Variants in SYT13 observed in about 807,000 individuals in gnomAD.
SYT13 encodes the protein synaptotagmin 13.
In SYT13, 21 loss-of-function variants were observed where a neutral mutation model predicts 38.6. The observed-to-expected ratio is 0.54, with a 90% CI of 0.39 to 0.78. SYT13 has a LOEUF of 0.78. Ranked by LOEUF, SYT13 falls within the 30% of genes least tolerant of loss-of-function variation. The probability of loss-of-function intolerance (pLI) is 0.00; values close to 1 mark genes in which losing one functional copy is unlikely to be tolerated. For missense variants in SYT13, 495 were observed against 548.7 expected (o/e 0.90, Z 0.98); for synonymous variants, 241 against 237.6 (o/e 1.01, Z -0.13).
At chr11:45,281,234 T>C (rs533998800) in intron 1 of SYT13, among the ~76,000 whole-genome samples, 6 of 152,240 alleles carry the variant, frequency 3.9e-5, no homozygotes, top group African/African-American at 1.2e-4. Context: ...CACTTATTTA[T>C]ATTATTTTGT....
chr11:45,269,352 A>G, intron 1 of SYT13: 1 of 875,630 alleles, frequency 1.1e-6, no homozygotes. Flanking sequence ...AAACAAACAA[A>G]CAAACAAACA....
chr11:45,268,884 T>A (rs191308631), intron 1 of SYT13, among the ~76,000 whole-genome samples: 1 of 152,280 alleles, frequency 6.6e-6, no homozygotes, highest in East Asian at 1.9e-4. Flanking sequence ...GAGCCTTTTA[T>A]GGGATAAAAG....
Position 45,252,281 on chromosome 11 carries a change from T to C in SYT13, c.846+140A>G, listed in dbSNP as rs556904840. On this transcript the variant is annotated intron_variant, in intron 4 of 5. Coordinates refer to ENST00000020926, the MANE Select transcript of SYT13 (RefSeq NM_020826.3). The surrounding 1 kb of genome is among the most constrained non-coding windows in gnomAD (Gnocchi z 4.3). ...CTCTAGCCCTCTGCCCCATTCAAGATTCCAACCTCCCTTCCAGCCCCAAGC... is the reference window on the plus strand; with the variant it reads ...CTCTAGCCCTCTGCCCCATTCAAGACTCCAACCTCCCTTCCAGCCCCAAGC... 1.9e-4 allele frequency: 202 copies of C among 1,039,378 alleles called. 2 individuals carry two copies. The highest frequency in any genetic ancestry group is 1.9e-3 in the Middle Eastern group (6 of 3,092). 64.4% of individuals were successfully genotyped at this position (1,039,378 alleles called of 1,614,324 possible). A position where few individuals can be genotyped will look rare whatever the true frequency, so the allele number is the denominator to read the frequency against.
intron 1 of SYT13, among the ~76,000 whole-genome samples, chr11:45,267,149 C>T (rs568644490): frequency 6.6e-6 from 1 of 152,314 alleles, no homozygotes; most frequent in East Asian, 1.9e-4. Context: ...AGTTCTGTGC[C>T]AAAAGTCTTG....
At chr11:45,261,170 C>A (rs1308774365) in intron 1 of SYT13, among the ~76,000 whole-genome samples, 2 of 152,124 alleles carry the variant, frequency 1.3e-5, no homozygotes, top group African/African-American at 4.8e-5. Flanking sequence ...AGTGAGATAC[C>A]ACCTCACACC....
chr11:45,249,044 A>G (rs1854644758), intron 4 of SYT13, among the ~76,000 whole-genome samples: 1 of 137,316 alleles, frequency 7.3e-6, no homozygotes, highest in Non-Finnish European at 1.7e-5. Flanking sequence ...GAAATTAAAC[A>G]AATTTACAAG....
intron 1 of SYT13, among the ~76,000 whole-genome samples, chr11:45,261,945 T>A (rs1481180712): frequency 6.6e-6 from 1 of 151,922 alleles, no homozygotes; most frequent in African/African-American, 2.4e-5. Context: ...AAAATTGCTG[T>A]ATGATCCAGC....
chr11:45,254,852 G>T (rs1315653545), intron 2 of SYT13, among the ~76,000 whole-genome samples: 1 of 152,128 alleles, frequency 6.6e-6, no homozygotes, highest in East Asian at 1.9e-4. Context: ...GGTGGCTCAT[G>T]CCTGTAACCC....
intron 1 of SYT13, among the ~76,000 whole-genome samples, chr11:45,267,869 C>T (rs16938206): frequency 0.013 from 2,015 of 152,218 alleles, 42 homozygotes; most frequent in African/African-American, 0.046. Context: ...GTTTCCATGG[C>T]GACATTACCC....
At chr11:45,283,727 T>A (rs1011807260) in intron 1 of SYT13, among the ~76,000 whole-genome samples, 2 of 152,238 alleles carry the variant, frequency 1.3e-5, no homozygotes, top group African/African-American at 4.8e-5. Flanking sequence ...ATTGTGCCCC[T>A]ATTGAGCTTG....
intron 1 of SYT13, among the ~76,000 whole-genome samples, chr11:45,265,033 TA>T (rs1384846918): frequency 2.6e-5 from 4 of 152,244 alleles, no homozygotes; most frequent in Non-Finnish European, 5.9e-5. Flanking sequence ...CAAGAAGACT[TA>T]GACATGGCTA....
chr11:45,254,235 C>T, intron 3 of SYT13, 35 bp downstream of exon 3: 1 of 1,581,032 alleles, frequency 6.3e-7, no homozygotes, highest in Non-Finnish European at 8.6e-7. Flanking sequence ...GAGATAGACA[C>T]ACAGAAGCCC....
intron 1 of SYT13, among the ~76,000 whole-genome samples, chr11:45,284,196 A>G (rs1855107842): frequency 6.6e-6 from 1 of 152,230 alleles, no homozygotes; most frequent in Non-Finnish European, 1.5e-5. Flanking sequence ...CTGGAGAGGC[A>G]GGCACCTTCC....
intron 1 of SYT13, among the ~76,000 whole-genome samples, chr11:45,278,818 T>C (rs1855039264): frequency 1.3e-5 from 2 of 152,208 alleles, no homozygotes; most frequent in South Asian, 4.1e-4. Flanking sequence ...TTGAAGAGTA[T>C]TTCCAGCGGG....
chr11:45,261,968 G>C (rs1854822670), intron 1 of SYT13, among the ~76,000 whole-genome samples: 1 of 151,758 alleles, frequency 6.6e-6, no homozygotes, highest in Admixed American at 6.6e-5. Flanking sequence ...TTCCACTTCT[G>C]GGTATACACT....
rs1299436660 is a variant in SYT13, at chr11:45,286,266, C to A, written c.-59G>T. 2.0e-6 allele frequency: 3 copies of A among 1,467,898 alleles called. No homozygotes were observed. Among genetic ancestry groups the A allele is most frequent in the Non-Finnish European group, 9.0e-7 (1 of 1,112,636 alleles). 90.9% of individuals were successfully genotyped at this position (1,467,898 alleles called of 1,614,324 possible). A position where few individuals can be genotyped will look rare whatever the true frequency, so the allele number is the denominator to read the frequency against. On this transcript the variant is annotated 5_prime_UTR_variant, in exon 1 of 6. Transcript: ENST00000020926. The stretch of plus-strand genomic sequence containing the variant: ...AGCCGCTCACCTTCCCCGGGCCGGG[C>A]CCGCCTCCAGGCAGCTCCCGGGATC...
rs776550312 is a variant in SYT13 at position 45,286,066 on chromosome 11, G to T, written c.142C>A (p.Leu48Met). The change falls in exon 1 of 6, where the codon CTG becomes ATG. Residue 48 changes from leucine (L) to methionine (M), a missense_variant. Physicochemically the swap from Leu to Met is conservative, Grantham distance 15. Transcript: ENST00000020926. ...GLLPRDQDPD[L>M]EKAKPSLLGS... ...AGCAAGCTGGGCTTCGCCTTCTCCA[G>T]GTCGGGGTCCTGGTCCCGCGGCAGC... 1.2e-6 allele frequency: 2 copies of T among 1,609,840 alleles called. No homozygotes were observed. Among genetic ancestry groups the T allele is most frequent in the Non-Finnish European group, 1.7e-6 (2 of 1,179,554 alleles).
chr11:45,276,746 A>C (rs1292974021), intron 1 of SYT13, among the ~76,000 whole-genome samples: 1 of 151,978 alleles, frequency 6.6e-6, no homozygotes, highest in East Asian at 1.9e-4. Flanking sequence ...AATAAAAATT[A>C]AAATACCAAC....
chr11:45,284,792 G>A (rs563420665), intron 1 of SYT13, among the ~76,000 whole-genome samples: 1 of 152,298 alleles, frequency 6.6e-6, no homozygotes, highest in East Asian at 1.9e-4. Context: ...CCAGTGGAAA[G>A]CCCACTATTC....
Sources: gnomAD v4.1 joint callset for allele counts (sites outside exome capture counted in the v4.1 genomes callset) on GRCh38, gnomAD v4.1.1 for gene constraint, Gnocchi (gnomAD v3.1) non-coding constraint, MANE v1.5 for transcripts, NCBI Gene and HGNC (gene_info 2026-07-23, HGNC 2026-07-21) for gene names.